CCDC33: variants seen among roughly 807,000 people sequenced by gnomAD.
CCDC33 encodes coiled-coil domain-containing protein 33.
A neutral mutation model predicts 91.9 loss-of-function variants in CCDC33; 94 were observed. The ratio of observed to expected loss-of-function variants is 1.02; its 90% CI spans 0.87 to 1.21. CCDC33 has a LOEUF of 1.21. Among genes scored for constraint, CCDC33 ranks in the 50% most tolerant of loss-of-function variants. CCDC33 has a pLI of 0.00. For missense variants in CCDC33, 940 were observed against 935.5 expected, an observed-to-expected ratio of 1.00 and a Z score of -0.06; for synonymous variants, 396 against 374.5, an observed-to-expected ratio of 1.06 and a Z score of -0.66.
At chr15:74,235,603 C>A (rs916076907), upstream of CCDC33, among the ~76,000 whole-genome samples, 16 of 152,064 alleles carry the variant, frequency 1.1e-4, no homozygotes, top group Non-Finnish European at 2.9e-5. Flanking sequence ...ATAGAGCAAC[C>A]CCCCACCCCA....
intron 2 of CCDC33, among the ~76,000 whole-genome samples, chr15:74,223,217 C>G (rs1353906387): frequency 1.3e-5 from 2 of 152,162 alleles, no homozygotes; most frequent in South Asian, 2.1e-4. Flanking sequence ...GCCACTCCCT[C>G]TGCTCTCCTG....
chr15:74,222,414 TCC>T (rs1161643099), intron 2 of CCDC33, among the ~76,000 whole-genome samples: 1 of 108,854 alleles, frequency 9.2e-6, no homozygotes, highest in African/African-American at 3.4e-5. Flanking sequence ...GCACTGCTCC[TCC>T]CTCCCCCAGC....
chr15:74,229,618 G>A (rs1253298975), intron 2 of CCDC33, among the ~76,000 whole-genome samples: 3 of 152,262 alleles, frequency 2.0e-5, no homozygotes, highest in Non-Finnish European at 4.4e-5. Flanking sequence ...CTATTATTAT[G>A]AGGTTCCTAT....
At chr15:74,282,391 T>G (rs1425281370) in intron 10 of CCDC33, among the ~76,000 whole-genome samples, 1 of 152,138 alleles carries the variant, frequency 6.6e-6, no homozygotes, top group East Asian at 1.9e-4. Flanking sequence ...GGGGCAGCTC[T>G]CAGCTCCTGA....
At chr15:74,291,793 G>C (rs2059589936) in intron 10 of CCDC33, among the ~76,000 whole-genome samples, 1 of 152,234 alleles carries the variant, frequency 6.6e-6, no homozygotes, top group Non-Finnish European at 1.5e-5. Flanking sequence ...GAGGGAGACA[G>C]GTGACCTAAG....
Position 74,289,945 on chromosome 15 carries a change from CCT to C in CCDC33, c.1096-5808_1096-5807del, listed in dbSNP as rs1288770855. 9.9e-5 allele frequency among the ~76,000 whole-genome samples: 15 copies of C among 152,280 alleles called. No homozygotes were observed. In the East Asian group the frequency reaches 2.9e-3, roughly 29 times the overall value. On this transcript the variant is annotated intron_variant, in intron 10 of 18. Coordinates refer to ENST00000398814, the MANE Select transcript of CCDC33 (RefSeq NM_025055.5). ...CACTCCCTTCCCTTGCTCTGCTCTC[CCT>C]GTGAGCCCAGTGCATAATTGGTAGA...
chr15:74,318,469 A>G, intron 11 of CCDC33: 18 of 460,848 alleles, frequency 3.9e-5, no homozygotes, highest in East Asian at 4.8e-5. Flanking sequence ...AACAAAGGGG[A>G]AGTGGCCCCA....
chr15:74,333,595 G>A (rs1023968667), intron 16 of CCDC33, among the ~76,000 whole-genome samples: 5 of 152,174 alleles, frequency 3.3e-5, no homozygotes, highest in African/African-American at 1.2e-4. Flanking sequence ...GACTCCCAGT[G>A]CGTTAATTAT....
intron 11 of CCDC33, among the ~76,000 whole-genome samples, chr15:74,298,710 T>A (rs1596063456): frequency 1.3e-4 from 1 of 7,588 alleles, no homozygotes; most frequent in African/African-American, 2.4e-4. Context: ...TAATTCTGCC[T>A]TTTTTTTTTT....
At chr15:74,266,532 C>A (rs533135022) in intron 3 of CCDC33, 146 bp from the exon 4 acceptor site, 2 of 659,668 alleles carry the variant, frequency 3.0e-6, no homozygotes, top group African/African-American at 1.8e-5. Context: ...CAGGGGTGAT[C>A]CACACATGTG....
At chr15:74,291,167 G>A (rs922917874) in intron 10 of CCDC33, among the ~76,000 whole-genome samples, 11 of 152,254 alleles carry the variant, frequency 7.2e-5, no homozygotes, top group Admixed American at 2.0e-4. Flanking sequence ...AGCTGCAAGA[G>A]CACGCAGGAT....
chr15:74,287,448 G>T (rs1347375039), intron 10 of CCDC33, among the ~76,000 whole-genome samples: 5 of 152,128 alleles, frequency 3.3e-5, no homozygotes. Flanking sequence ...TTACCCACAG[G>T]TGCCCTTTCC....
At chr15:74,268,521 GC>G in intron 5 of CCDC33, 63 bp downstream of exon 5, 2 of 1,269,246 alleles carry the variant, frequency 1.6e-6, no homozygotes, top group Non-Finnish European at 2.3e-6. Context: ...CTTTGAGCAG[GC>G]CCCACGCCTT....
chr15:74,333,317 G>GC (rs1567044682), intron 16 of CCDC33: 1 of 1,581,614 alleles, frequency 6.3e-7, no homozygotes, highest in South Asian at 1.2e-5. Context: ...GACCCTGCCC[G>GC]CACAGGTGGG....
At chr15:74,280,493 AGAGTTGGCTTT>A (rs1345471791) in intron 8 of CCDC33, among the ~76,000 whole-genome samples, 164 bp from the exon 9 acceptor site, 4 of 152,246 alleles carry the variant, frequency 2.6e-5, no homozygotes, top group Admixed American at 6.5e-5. Context: ...GAGTATGTTT[AGAGTTGGCTTT>A]GAGTTCACAA....
intron 2 of CCDC33, among the ~76,000 whole-genome samples, chr15:74,230,037 C>T (rs1324705964): frequency 1.3e-5 from 2 of 152,158 alleles, no homozygotes; most frequent in Admixed American, 1.3e-4. Flanking sequence ...AGAGGGATGG[C>T]CCAGGCACAT....
upstream of CCDC33, among the ~76,000 whole-genome samples, chr15:74,235,266 T>G (rs1394245247): frequency 1.3e-5 from 2 of 152,092 alleles, no homozygotes; most frequent in Admixed American, 1.3e-4. Flanking sequence ...TCCTTTCAGT[T>G]CTAATCAAAA....
At chr15:74,264,365 C>T (rs1257383431) in intron 3 of CCDC33, among the ~76,000 whole-genome samples, 3 of 152,034 alleles carry the variant, frequency 2.0e-5, no homozygotes, top group Non-Finnish European at 4.4e-5. Flanking sequence ...GGTGGGAGGC[C>T]GGAAGGGCAC....
chr15:74,327,917 T>C (rs1201733867), intron 11 of CCDC33, among the ~76,000 whole-genome samples: 1 of 152,174 alleles, frequency 6.6e-6, no homozygotes, highest in Non-Finnish European at 1.5e-5. Context: ...GGGTCATCCT[T>C]TGTGACCACA....
Sources: allele counts gnomAD v4.1 joint callset (sites outside exome capture counted in the v4.1 genomes callset), GRCh38; gene constraint gnomAD v4.1.1; transcripts MANE v1.5; gene names NCBI Gene and HGNC (gene_info 2026-07-23, HGNC 2026-07-21).